The following MAN1C1 variants were observed in gnomAD, a reference collection of about 807,000 sequenced individuals.
The protein encoded by MAN1C1 is mannosyl-oligosaccharide 1,2-alpha-mannosidase IC.
MAN1C1 carries 49 observed loss-of-function variants against 71.5 expected under a neutral mutation model. The observed-to-expected ratio is 0.69, with a 90% CI of 0.54 to 0.87. The LOEUF is 0.87. Ranked by LOEUF, MAN1C1 falls within the 40% of genes least tolerant of loss-of-function variation. MAN1C1 has a pLI of 0.00. For missense variants in MAN1C1, 743 were observed against 835.0 expected, an observed-to-expected ratio of 0.89 and a Z score of 1.36; for synonymous variants, 352 against 343.7, an observed-to-expected ratio of 1.02 and a Z score of -0.27.
At chr1:25,669,951 T>C (rs2045972557) in intron 1 of MAN1C1, among the ~76,000 whole-genome samples, 1 of 152,236 alleles carries the variant, frequency 6.6e-6, no homozygotes, top group Admixed American at 6.5e-5. Flanking sequence ...TTGCTGATCC[T>C]CTTTCGGTTC....
rs59356657 is a variant in MAN1C1, at chr1:25,771,612, C to G, written c.1142-45C>G. ...GTGCGAGGCCCTGCCCCGTGAGAGC[C>G]GGCGGCAGATGGAGATAATGTTCTT... On this transcript the variant is annotated intron_variant, in intron 7 of 11. Coordinates refer to ENST00000374332, the MANE Select transcript of MAN1C1 (RefSeq NM_020379.4). 7.2e-3 allele frequency: 10,585 copies of G among 1,473,876 alleles called. 592 individuals carry two copies. The African/African-American group carries it at 0.13, about 17-fold the overall frequency. 91.3% of individuals were successfully genotyped at this position (1,473,876 alleles called of 1,614,324 possible). A position where few individuals can be genotyped will look rare whatever the true frequency, so the allele number is the denominator to read the frequency against.
chr1:25,674,982 CATG>C (rs1198746405), intron 1 of MAN1C1, among the ~76,000 whole-genome samples: 1 of 152,064 alleles, frequency 6.6e-6, no homozygotes, highest in Non-Finnish European at 1.5e-5. Flanking sequence ...GGGTGGTGCT[CATG>C]GTGGTGGTAC....
At chr1:25,700,571 C>T (rs2046428550) in intron 2 of MAN1C1, among the ~76,000 whole-genome samples, 1 of 152,178 alleles carries the variant, frequency 6.6e-6, no homozygotes. Flanking sequence ...AGGCCATCCC[C>T]CTGTGCTACC....
intron 1 of MAN1C1, among the ~76,000 whole-genome samples, chr1:25,628,717 A>C (rs1182010015): frequency 1.3e-5 from 2 of 152,308 alleles, no homozygotes; most frequent in East Asian, 3.9e-4. Context: ...CAAGTAGTAT[A>C]GATTGTACTC....
At chr1:25,620,048 G>T (rs764379705) in intron 1 of MAN1C1, among the ~76,000 whole-genome samples, 1 of 152,232 alleles carries the variant, frequency 6.6e-6, no homozygotes, top group Admixed American at 6.5e-5. Context: ...CCAGGGGCTG[G>T]AGAGTCATGG....
rs769525659 is a variant in MAN1C1 at position 25,763,887 on chromosome 1, G to A, written c.1061G>A (p.Arg354His). The change falls in exon 7 of 12, where the codon CGC becomes CAC. Residue 354 changes from arginine to histidine, a missense_variant. Arg to His is a conservative substitution (Grantham distance 29). Coordinates refer to ENST00000374332, the MANE Select transcript of MAN1C1 (RefSeq NM_020379.4). ...GTCTCTCGGCAGGTCAGGAACATCC[G>A]CAAGGTCCTCAGGAAGATCGAAAAG... ...QVFAEKVRNI[R>H]KVLRKIEKPF... 2.5e-6 allele frequency: 4 copies of A among 1,613,762 alleles called. No homozygotes were observed. The highest frequency in any genetic ancestry group is 2.2e-5 in the East Asian group (1 of 44,876).
chr1:25,763,598 A>C, intron 6 of MAN1C1: 2 of 375,344 alleles, frequency 5.3e-6, no homozygotes, highest in South Asian at 3.7e-5. Flanking sequence ...TCGGCCAGGC[A>C]GTGGTTCTGG....
At chr1:25,724,339 C>G (rs1056622294) in intron 2 of MAN1C1, among the ~76,000 whole-genome samples, 1 of 152,152 alleles carries the variant, frequency 6.6e-6, no homozygotes, top group Non-Finnish European at 1.5e-5. Flanking sequence ...GACTGCAGAT[C>G]TTGACTGGGC....
At chr1:25,717,999 T>TACACACACACACAC (rs71577794) in intron 2 of MAN1C1, among the ~76,000 whole-genome samples, 44 of 148,598 alleles carry the variant, frequency 3.0e-4, no homozygotes, top group African/African-American at 9.6e-4. Flanking sequence ...TAGCTTTATT[T>TACACACACACACAC]ACACACACAC....
chr1:25,675,286 C>T (rs1463479878), intron 1 of MAN1C1, among the ~76,000 whole-genome samples: 4 of 152,076 alleles, frequency 2.6e-5, no homozygotes, highest in Non-Finnish European at 4.4e-5. Context: ...CATTCTTATG[C>T]CTTTGTGTCC....
chr1:25,668,867 T>C (rs2045958996), intron 1 of MAN1C1, among the ~76,000 whole-genome samples: 1 of 152,226 alleles, frequency 6.6e-6, no homozygotes, highest in African/African-American at 2.4e-5. Context: ...CCAAGCCTTC[T>C]ACTTTTCAGC....
At chr1:25,774,634 G>T (rs2047595795) in intron 8 of MAN1C1, among the ~76,000 whole-genome samples, 1 of 152,100 alleles carries the variant, frequency 6.6e-6, no homozygotes, top group South Asian at 2.1e-4. Context: ...ACCAACCCAG[G>T]AATCATTACT....
chr1:25,653,640 G>A (rs3014715), intron 1 of MAN1C1, among the ~76,000 whole-genome samples: 33,794 of 152,060 alleles, frequency 0.22, 3,860 homozygotes, highest in East Asian at 0.37. Flanking sequence ...CACAGAGGCC[G>A]TTGGTCTTAA....
chr1:25,757,187 C>T (rs2047297743), intron 5 of MAN1C1, among the ~76,000 whole-genome samples: 1 of 152,224 alleles, frequency 6.6e-6, no homozygotes. Flanking sequence ...CCTCAAGTGG[C>T]AAACAGTGAC....
chr1:25,694,296 T>A (rs2046343839), intron 2 of MAN1C1, among the ~76,000 whole-genome samples: 1 of 152,204 alleles, frequency 6.6e-6, no homozygotes, highest in African/African-American at 2.4e-5. Flanking sequence ...TTCAGGCCTC[T>A]TCTCTGTGCT....
At position 25,711,442 on chromosome 1, in the gene MAN1C1, G is replaced by C. The variant is rs1397528666; in HGVS notation, c.637+24906G>C. 6.6e-6 allele frequency among the ~76,000 whole-genome samples: 1 copy of C among 152,232 alleles called. No homozygotes were observed. The highest frequency in any genetic ancestry group is 1.5e-5 in the Non-Finnish European group (1 of 68,042). On this transcript the variant is annotated intron_variant, in intron 2 of 11. Transcript: ENST00000374332. This position sits in a 1 kb window ranked among gnomAD's most constrained non-coding sequence, Gnocchi z 4.3. Reference sequence around the variant, plus strand: ...CATGGATGGGTCAGTGTGGGAGAAAGAAGTTGAATTCTCATCTCCTCAGGC... The same window carrying C: ...CATGGATGGGTCAGTGTGGGAGAAACAAGTTGAATTCTCATCTCCTCAGGC...
chr1:25,699,531 C>G (rs2046410663), intron 2 of MAN1C1, among the ~76,000 whole-genome samples: 1 of 152,108 alleles, frequency 6.6e-6, no homozygotes, highest in Non-Finnish European at 1.5e-5. Context: ...ATTTCCTCCC[C>G]ACTCTAGGTC....
chr1:25,750,876 G>A (rs2047204504), intron 4 of MAN1C1, among the ~76,000 whole-genome samples: 1 of 152,184 alleles, frequency 6.6e-6, no homozygotes, highest in African/African-American at 2.4e-5. Flanking sequence ...AGGAAGAGGG[G>A]AGGACACAGC....
At chr1:25,636,651 A>G (rs1483010570) in intron 1 of MAN1C1, among the ~76,000 whole-genome samples, 10 of 152,218 alleles carry the variant, frequency 6.6e-5, no homozygotes, top group East Asian at 3.8e-4. Context: ...GTTACAATCA[A>G]TTTGTACAGT....
Sources: allele counts gnomAD v4.1 joint callset (sites outside exome capture counted in the v4.1 genomes callset), GRCh38; gene constraint gnomAD v4.1.1; non-coding constraint Gnocchi (gnomAD v3.1); transcripts MANE v1.5; gene names NCBI Gene and HGNC (gene_info 2026-07-23, HGNC 2026-07-21).